Variants in CADPS2 observed in about 807,000 individuals in gnomAD.
CADPS2 encodes the protein calcium dependent secretion activator 2, also known as calcium-dependent secretion activator 2.
Under a neutral mutation model 172.5 loss-of-function variants are expected in CADPS2, and 93 were observed. The observed-to-expected ratio is 0.54, with a 90% confidence interval of 0.46 to 0.64. The LOEUF is 0.64. Ranked by LOEUF, CADPS2 falls within the 30% of genes least tolerant of loss-of-function variation. The pLI, the probability that CADPS2 is intolerant of heterozygous loss-of-function variation, is 0.00. For synonymous variants in CADPS2, 546 were observed against 555.2 expected (o/e 0.98, Z 0.23); for missense variants, 1,420 against 1,565.9 (o/e 0.91, Z 1.57).
chr7:122,354,570 C>T (rs2039118591), intron 27 of CADPS2, among the ~76,000 whole-genome samples: 1 of 151,340 alleles, frequency 6.6e-6, no homozygotes, highest in South Asian at 2.1e-4. Context: ...GTGAGCAAAA[C>T]TTTTTTTTTG....
intron 1 of CADPS2, among the ~76,000 whole-genome samples, chr7:122,779,359 A>G (rs1028970912): frequency 5.9e-5 from 9 of 152,240 alleles, no homozygotes; most frequent in Admixed American, 5.9e-4. Context: ...AGGTGCAAAG[A>G]GTGGAAGCTA....
intron 14 of CADPS2, among the ~76,000 whole-genome samples, chr7:122,457,942 TAAATGCTCCCCCA>T (rs1334552600): frequency 2.6e-5 from 4 of 152,300 alleles, no homozygotes; most frequent in Admixed American, 2.6e-4. Context: ...TAAATTAAAT[TAAATGCTCCCCCA>T]CCCCATCTCC....
At chr7:122,701,584 G>A (rs1428397358) in intron 2 of CADPS2, 1 of 241,102 alleles carries the variant, frequency 4.1e-6, no homozygotes, top group African/African-American at 2.3e-5. Flanking sequence ...AAAACTTAAA[G>A]TATAATAAAA....
At chr7:122,800,102 T>G (rs1272321312) in intron 1 of CADPS2, among the ~76,000 whole-genome samples, 1 of 152,218 alleles carries the variant, frequency 6.6e-6, no homozygotes, top group Non-Finnish European at 1.5e-5. Flanking sequence ...ATAAAAGATA[T>G]TATTTTACTA....
intron 1 of CADPS2, among the ~76,000 whole-genome samples, chr7:122,797,340 T>G (rs949503657): frequency 2.0e-5 from 3 of 152,122 alleles, no homozygotes; most frequent in African/African-American, 7.2e-5. Context: ...AGCAATCCCA[T>G]TACCAGGTAT....
At chr7:122,440,042 C>T (rs1278362769) in intron 16 of CADPS2, 2 of 152,066 alleles carry the variant, frequency 1.3e-5, no homozygotes, top group East Asian at 1.9e-4. Context: ...CATGTTCTTC[C>T]GAGGTATCAT....
intron 12 of CADPS2, 118 bp downstream of exon 12, chr7:122,480,734 T>C: frequency 1.6e-6 from 1 of 634,444 alleles, no homozygotes; most frequent in South Asian, 2.8e-5. Context: ...TTAAATATTC[T>C]GGGTTTGGCT....
At chr7:122,504,121 C>T (rs913416013) in intron 9 of CADPS2, among the ~76,000 whole-genome samples, 1 of 152,160 alleles carries the variant, frequency 6.6e-6, no homozygotes, top group Non-Finnish European at 1.5e-5. Flanking sequence ...TTCTTTCATA[C>T]TTATTTTTGA....
intron 1 of CADPS2, among the ~76,000 whole-genome samples, chr7:122,831,972 C>G (rs770575188): frequency 2.6e-5 from 4 of 152,114 alleles, no homozygotes; most frequent in Admixed American, 1.3e-4. Flanking sequence ...ATGAATGCAA[C>G]ATAAATTATG....
chr7:122,488,227 G>A (rs554027206), intron 11 of CADPS2, among the ~76,000 whole-genome samples: 1 of 152,292 alleles, frequency 6.6e-6, no homozygotes, highest in African/African-American at 2.4e-5. Context: ...TGTTGTGCTG[G>A]GGGTGAGCAA....
rs73717701 is a variant in CADPS2, at chr7:122,584,323, G to A, written c.1224-3033C>T. ...TCAGGTTTTCTCTTTCTCCTTGAGT[G>A]AATTTTGATAAGCACTAAGTTTTAT... is the stretch of plus-strand genomic sequence containing the variant. On this transcript the variant is annotated intron_variant, in intron 6 of 29. Transcript: ENST00000449022. Among the ~76,000 whole-genome samples the A allele has an allele frequency of 7.9e-3, 1,199 of 151,982 alleles. 16 individuals carry two copies. The highest frequency in any genetic ancestry group is 0.028 in the African/African-American group (1,159 of 41,532).
chr7:122,682,794 A>G (rs1389811500), intron 2 of CADPS2, among the ~76,000 whole-genome samples: 1 of 152,224 alleles, frequency 6.6e-6, no homozygotes, highest in East Asian at 1.9e-4. Context: ...ATTCTGGGTC[A>G]GTTTCCTCAT....
chr7:122,762,027 TATACAC>T (rs1389957388), intron 1 of CADPS2, among the ~76,000 whole-genome samples: 2,015 of 69,716 alleles, frequency 0.029, 60 homozygotes, highest in African/African-American at 0.1. Flanking sequence ...TATATATATA[TATACAC>T]ACACACACAC....
intron 1 of CADPS2, among the ~76,000 whole-genome samples, chr7:122,885,703 G>A (rs1383026089): frequency 6.6e-6 from 1 of 152,166 alleles, no homozygotes; most frequent in East Asian, 1.9e-4. Context: ...TCCGGCCAGA[G>A]CTGCGCCTGC....
intron 2 of CADPS2, among the ~76,000 whole-genome samples, chr7:122,684,737 A>C (rs910080494): frequency 6.6e-6 from 1 of 152,166 alleles, no homozygotes; most frequent in East Asian, 1.9e-4. Flanking sequence ...TAAAAGCCAA[A>C]CCATTACATG....
At chr7:122,535,196 G>T (rs1001238271) in intron 8 of CADPS2, among the ~76,000 whole-genome samples, 2 of 151,948 alleles carry the variant, frequency 1.3e-5, no homozygotes, top group African/African-American at 4.8e-5. Flanking sequence ...ATTAGTAGGT[G>T]GTGTTGCCTA....
intron 2 of CADPS2, among the ~76,000 whole-genome samples, chr7:122,683,012 G>A (rs988438644): frequency 6.6e-5 from 10 of 152,340 alleles, no homozygotes; most frequent in Admixed American, 2.0e-4. Flanking sequence ...CTCTGTGTGG[G>A]CCCTGGAGCA....
chr7:122,681,756 A>T (rs1434200803), intron 2 of CADPS2: 1 of 542,578 alleles, frequency 1.8e-6, no homozygotes. Context: ...AAAAGAAAGA[A>T]AAAAAACAAC....
intron 2 of CADPS2, among the ~76,000 whole-genome samples, chr7:122,704,275 A>G (rs1475156588): frequency 6.6e-6 from 1 of 152,002 alleles, no homozygotes; most frequent in Non-Finnish European, 1.5e-5. Context: ...AACTCTAGGA[A>G]ACAGTCTACT....
Sources: allele counts gnomAD v4.1 joint callset (sites outside exome capture counted in the v4.1 genomes callset), GRCh38; gene constraint gnomAD v4.1.1; transcripts MANE v1.5; gene names NCBI Gene and HGNC (gene_info 2026-07-23, HGNC 2026-07-21).